Variants in RERE observed in about 807,000 individuals in gnomAD.
The protein encoded by RERE is arginine-glutamic acid dipeptide repeats.
RERE carries 40 observed loss-of-function variants against 146.1 expected under a neutral mutation model. That is an observed-to-expected ratio of 0.27 (90% CI 0.21 to 0.36). RERE has a LOEUF of 0.36. Ranked by LOEUF, RERE falls within the 10% of genes least tolerant of loss-of-function variation. The pLI, the probability that RERE is intolerant of heterozygous loss-of-function variation, is 1.00. For synonymous variants in RERE, 1,003 were observed against 866.0 expected (o/e 1.16, Z -2.78); for missense variants, 1,933 against 2,138.7 (o/e 0.90, Z 1.90).
chr1:8,638,003 TTAAACTG>T (rs1206697119), intron 2 of RERE, among the ~76,000 whole-genome samples: 7 of 152,250 alleles, frequency 4.6e-5, no homozygotes, highest in Non-Finnish European at 4.4e-5. Flanking sequence ...ACAGAACTAG[TTAAACTG>T]TGGCATATAG....
intron 10 of RERE, among the ~76,000 whole-genome samples, chr1:8,482,199 T>TA (rs1187465416): frequency 7.7e-6 from 1 of 129,670 alleles, no homozygotes; most frequent in Non-Finnish European, 1.6e-5. Context: ...AAAATAAAAA[T>TA]AAAGAACCTA....
In RERE at chr1:8,358,358, G is replaced by C. The variant is rs756167538; in HGVS notation, c.4177C>G (p.Pro1393Ala). The part of the protein sequence containing the change: ...GPQLRPEMSY[P>A]DRLAAERIHA... The stretch of plus-strand genomic sequence containing the variant: ...ATACGCTCGGCTGCCAGTCTGTCAG[G>C]GTAGCTCATCTCGGGCCGCAGCTGG... Residue 1393 changes from proline to alanine, a missense_variant, in exon 20 of 23, where the codon CCT becomes GCT. Around this residue, in one of 11 missense-constraint regions of RERE, gnomAD observed 47 missense variants for 58.6 expected, o/e 0.80. Transcript: ENST00000400908. 1 of 1,611,752 alleles carries C rather than the reference G, an allele frequency of 6.2e-7. No homozygotes were observed. The highest frequency in any genetic ancestry group is 8.5e-7 in the Non-Finnish European group (1 of 1,178,500).
chr1:8,760,039 T>C (rs1484577569), intron 1 of RERE, among the ~76,000 whole-genome samples: 1 of 152,198 alleles, frequency 6.6e-6, no homozygotes, highest in Non-Finnish European at 1.5e-5. Context: ...TGTTTTGTTT[T>C]TTTGAGATGG....
At chr1:8,407,798 G>A (rs1214161163) in intron 12 of RERE, among the ~76,000 whole-genome samples, 1 of 152,210 alleles carries the variant, frequency 6.6e-6, no homozygotes, top group Non-Finnish European at 1.5e-5. Context: ...TAAAGCTGCA[G>A]CCACTTCTTT....
At position 8,644,288 on chromosome 1, in the gene RERE, G is replaced by A. The variant is rs1272210076; in HGVS notation, c.325+11685C>T. Among the ~76,000 whole-genome samples the A allele has an allele frequency of 2.0e-5, 3 of 152,174 alleles. No homozygotes were observed. In the East Asian group the frequency reaches 5.8e-4, roughly 29 times the overall value. On this transcript the variant is annotated intron_variant, in intron 2 of 22. Transcript: ENST00000400908. ...ACTCTTTTGGAACTGTGAATCTTGA[G>A]CTGAGTGACAGCAAGGACAGGAAGA...
At chr1:8,608,443 G>A (rs1646749689) in intron 4 of RERE, among the ~76,000 whole-genome samples, 1 of 152,140 alleles carries the variant, frequency 6.6e-6, no homozygotes, top group Admixed American at 6.5e-5. Flanking sequence ...GGTTGGGGCT[G>A]CAGTGAGCCA....
At chr1:8,690,422 A>G (rs567092015) in intron 1 of RERE, among the ~76,000 whole-genome samples, 1 of 152,356 alleles carries the variant, frequency 6.6e-6, no homozygotes, top group East Asian at 1.9e-4. Flanking sequence ...GCTTGAACAT[A>G]GGAATTTTGA....
chr1:8,567,612 T>C (rs1326654228), intron 4 of RERE, among the ~76,000 whole-genome samples: 1 of 152,230 alleles, frequency 6.6e-6, no homozygotes, highest in African/African-American at 2.4e-5. Flanking sequence ...ATCTCTGAAA[T>C]GCTAGCTAAG....
At chr1:8,784,287 C>T (rs1372820376) in intron 1 of RERE, among the ~76,000 whole-genome samples, 1 of 152,210 alleles carries the variant, frequency 6.6e-6, no homozygotes, top group Non-Finnish European at 1.5e-5. Context: ...CCTGACTCCC[C>T]TATTTAAATT....
intron 4 of RERE, among the ~76,000 whole-genome samples, chr1:8,611,198 AAAC>A (rs547786058): frequency 4.6e-5 from 7 of 150,960 alleles, no homozygotes; most frequent in African/African-American, 7.3e-5. Context: ...CTGTCTCAAA[AAAC>A]AACAACAACA....
chr1:8,372,436 T>C (rs956634389), intron 12 of RERE, among the ~76,000 whole-genome samples: 14 of 150,770 alleles, frequency 9.3e-5, no homozygotes, highest in Non-Finnish European at 1.6e-4. Flanking sequence ...GGGAGTGCAA[T>C]AGAAGATGAG....
At chr1:8,486,755 TAAAAAAA>T (rs33956517) in intron 10 of RERE, among the ~76,000 whole-genome samples, 2 of 122,330 alleles carry the variant, frequency 1.6e-5, no homozygotes, top group Admixed American at 8.5e-5. Flanking sequence ...GAGTCCATCT[TAAAAAAA>T]AAAAAAAAAA....
intron 10 of RERE, among the ~76,000 whole-genome samples, chr1:8,483,349 T>C (rs1055861541): frequency 1.3e-5 from 2 of 152,192 alleles, no homozygotes; most frequent in Non-Finnish European, 2.9e-5. Flanking sequence ...GGCAATGCCT[T>C]ATTTGGGAGC....
At chr1:8,655,350 G>A (rs1215370029) in intron 2 of RERE, among the ~76,000 whole-genome samples, 1 of 151,856 alleles carries the variant, frequency 6.6e-6, no homozygotes, top group Non-Finnish European at 1.5e-5. Flanking sequence ...GGGATTAGAG[G>A]TGCACACCAC....
chr1:8,646,036 A>T (rs1647290921), intron 2 of RERE, among the ~76,000 whole-genome samples: 1 of 151,980 alleles, frequency 6.6e-6, no homozygotes, highest in African/African-American at 2.4e-5. Flanking sequence ...CATACAACTA[A>T]GAGAACTGAG....
chr1:8,683,844 A>C (rs1430448195), intron 1 of RERE, among the ~76,000 whole-genome samples: 2 of 152,156 alleles, frequency 1.3e-5, no homozygotes, highest in Non-Finnish European at 2.9e-5. Flanking sequence ...CAGGAGACTG[A>C]GGCAGGAGAA....
At chr1:8,395,920 C>A (rs1438172232) in intron 12 of RERE, among the ~76,000 whole-genome samples, 2 of 152,132 alleles carry the variant, frequency 1.3e-5, no homozygotes, top group Admixed American at 1.3e-4. Flanking sequence ...AACACTCGAA[C>A]GAGGACCAAT....
intron 1 of RERE, among the ~76,000 whole-genome samples, chr1:8,667,634 G>T (rs1043744695): frequency 1.3e-5 from 2 of 152,146 alleles, no homozygotes; most frequent in African/African-American, 4.8e-5. Context: ...CCAAGATGGC[G>T]CCACTGCACT....
rs942105193 is a variant in RERE at position 8,704,751 on chromosome 1, T to C, written c.-144-48310A>G. Among the ~76,000 whole-genome samples the C allele has an allele frequency of 3.9e-5, 6 of 152,336 alleles. No homozygotes were observed. The East Asian group carries it at 7.7e-4, about 20-fold the overall frequency. On this transcript the variant is annotated intron_variant, in intron 1 of 22. Transcript: ENST00000400908. ...ACAAATCAAGTTATTCTACAGGACA[T>C]AGAAATATCTGTCTCAAACTCCTAA...
Sources: gnomAD v4.1 joint callset for allele counts (sites outside exome capture counted in the v4.1 genomes callset) on GRCh38, gnomAD v4.1.1 for gene constraint, gnomAD v4.1.1 regional missense constraint, MANE v1.5 for transcripts, NCBI Gene and HGNC (gene_info 2026-07-23, HGNC 2026-07-21) for gene names.